CDK5RAP1: variants seen among roughly 807,000 people sequenced by gnomAD.
The protein encoded by CDK5RAP1 is CDK5RAP1 mitochondrial tRNA methylthiotransferase, also known as mitochondrial tRNA methylthiotransferase CDK5RAP1.
CDK5RAP1 carries 62 observed loss-of-function variants against 64.5 expected under a neutral mutation model. That is an observed-to-expected ratio of 0.96 (90% CI 0.78 to 1.19). The LOEUF (loss-of-function observed/expected upper bound fraction) is 1.19. CDK5RAP1 is among the 50% of genes most tolerant of loss of function. The probability of loss-of-function intolerance (pLI) is 0.00; values close to 1 mark genes in which losing one functional copy is unlikely to be tolerated. For synonymous variants in CDK5RAP1, 250 were observed against 261.9 expected (o/e 0.95, Z 0.44); for missense variants, 657 against 735.0 (o/e 0.89, Z 1.23).
intron 7 of CDK5RAP1, among the ~76,000 whole-genome samples, chr20:33,380,202 C>G (rs144600943): frequency 6.6e-6 from 1 of 152,132 alleles, no homozygotes; most frequent in Non-Finnish European, 1.5e-5. Context: ...ACAACAACAA[C>G]AAAAAATAAA....
chr20:33,367,497 T>C (rs1202319846), intron 11 of CDK5RAP1, among the ~76,000 whole-genome samples: 5 of 152,144 alleles, frequency 3.3e-5, no homozygotes, highest in Non-Finnish European at 5.9e-5. Flanking sequence ...TTACTTGAAA[T>C]AAGCAAAGTG....
chr20:33,382,318 T>A (rs1049832303), intron 7 of CDK5RAP1, among the ~76,000 whole-genome samples: 1 of 152,206 alleles, frequency 6.6e-6, no homozygotes, highest in African/African-American at 2.4e-5. Flanking sequence ...GAACTCCGAA[T>A]AAGGATGAAC....
chr20:33,391,807 T>A (rs981927895), intron 5 of CDK5RAP1, among the ~76,000 whole-genome samples: 7 of 149,658 alleles, frequency 4.7e-5, no homozygotes, highest in African/African-American at 1.7e-4. Flanking sequence ...ACAACAAGAG[T>A]GAAACTCCAT....
intron 11 of CDK5RAP1, among the ~76,000 whole-genome samples, chr20:33,370,151 A>G (rs749906602): frequency 2.6e-5 from 4 of 152,312 alleles, no homozygotes; most frequent in Middle Eastern, 3.4e-3. Context: ...CCCCGGTAAA[A>G]TAAATCACAT....
In CDK5RAP1 at chr20:33,374,124, A is replaced by G. The variant is rs1473184450; in HGVS notation, c.1196T>C (p.Met399Thr). Residue 399 changes from methionine (M) to threonine (T), a missense_variant, in exon 9 of 14, where the codon ATG (methionine) becomes ACG (threonine). Physicochemically the swap from Met to Thr is moderately conservative, Grantham distance 81. Transcript: ENST00000346416. ...TCCAAGCAAGCCTGACCCCCTCCGC[A>G]TGGCCTCCAACACACGGCTGCTTCC... ...QSGSSRVLEAMRRGYSREAYV... is the reference protein window; with the variant it reads ...QSGSSRVLEATRRGYSREAYV... 4 of 1,612,616 alleles carry G rather than the reference A, an allele frequency of 2.5e-6. No individual in the cohort carries two copies. Among genetic ancestry groups the G allele is most frequent in the Non-Finnish European group, 3.4e-6 (4 of 1,178,744 alleles).
chr20:33,366,188 G>A (rs1397652552), intron 12 of CDK5RAP1, among the ~76,000 whole-genome samples: 2 of 151,772 alleles, frequency 1.3e-5, no homozygotes. Flanking sequence ...GTGTGGTAGT[G>A]GGTGCCTGCA....
At chr20:33,382,695 A>T (rs184630282) in intron 7 of CDK5RAP1, among the ~76,000 whole-genome samples, 5 of 152,016 alleles carry the variant, frequency 3.3e-5, no homozygotes, top group African/African-American at 1.2e-4. Flanking sequence ...ATAAATAAAT[A>T]AAATAAAATA....
Position 33,397,058 on chromosome 20 carries a change from G to T in CDK5RAP1, c.7C>A (p.Pro3Thr), listed in dbSNP as rs745752791. ...TGCACTTGGAGGACACACTGTAAAGGGTGCATGGCACTAAACAGCCCACAG... is the reference window on the plus strand; with the variant it reads ...TGCACTTGGAGGACACACTGTAAAGTGTGCATGGCACTAAACAGCCCACAG... MH[P>T]LQCVLQVQRS... Residue 3 changes from proline to threonine, a missense_variant, in exon 2 of 14, where the codon CCT becomes ACT. Transcript: ENST00000346416. The T allele has an allele frequency of 2.5e-6, 4 of 1,603,684 alleles. No individual in the cohort carries two copies. Among genetic ancestry groups the T allele is most frequent in the Non-Finnish European group, 3.4e-6 (4 of 1,174,764 alleles).
chr20:33,374,246 A>T, intron 8 of CDK5RAP1, 34 bp from the exon 9 acceptor site: 1 of 1,391,304 alleles, frequency 7.2e-7, no homozygotes, highest in South Asian at 1.2e-5. Flanking sequence ...GGTAATCACA[A>T]TCTCACCAAA....
intron 12 of CDK5RAP1, among the ~76,000 whole-genome samples, chr20:33,361,988 G>A (rs1471499020): frequency 6.6e-6 from 1 of 150,960 alleles, no homozygotes; most frequent in Non-Finnish European, 1.5e-5. Flanking sequence ...AAGGAAGGGA[G>A]AGAGGGAGGG....
At chr20:33,392,536 ATTC>A (rs1254096468) in intron 4 of CDK5RAP1, among the ~76,000 whole-genome samples, 21 of 149,282 alleles carry the variant, frequency 1.4e-4, no homozygotes, top group Admixed American at 4.7e-4. Context: ...GCCCAAGACA[ATTC>A]TTCTTCTTCT....
intron 5 of CDK5RAP1, among the ~76,000 whole-genome samples, chr20:33,388,214 C>A (rs972414542): frequency 6.6e-6 from 1 of 152,172 alleles, no homozygotes; most frequent in African/African-American, 2.4e-5. Flanking sequence ...TGAACCCTTT[C>A]CCTCTCTTCT....
intron 1 of CDK5RAP1, among the ~76,000 whole-genome samples, chr20:33,398,192 C>A (rs1320126444): frequency 6.6e-6 from 1 of 152,088 alleles, no homozygotes; most frequent in African/African-American, 2.4e-5. Flanking sequence ...ACAAAATGAC[C>A]TATGTATAAA....
chr20:33,364,445 C>T (rs1379036502), intron 12 of CDK5RAP1, among the ~76,000 whole-genome samples: 1 of 151,914 alleles, frequency 6.6e-6, no homozygotes, highest in African/African-American at 2.4e-5. Flanking sequence ...CCTCAGCCTC[C>T]CAAAGTGATG....
intron 10 of CDK5RAP1, 71 bp from the exon 11 acceptor site, chr20:33,370,700 T>A: frequency 6.5e-7 from 1 of 1,547,084 alleles, no homozygotes; most frequent in Non-Finnish European, 8.9e-7. Context: ...TCAGCATATG[T>A]GGATTACAAG....
intron 1 of CDK5RAP1, among the ~76,000 whole-genome samples, chr20:33,399,868 C>G (rs1989239715): frequency 6.6e-6 from 1 of 151,932 alleles, no homozygotes; most frequent in Non-Finnish European, 1.5e-5. Flanking sequence ...TATTTGTTGT[C>G]TCTACAACAA....
At chr20:33,369,579 A>G (rs1282937091) in intron 11 of CDK5RAP1, among the ~76,000 whole-genome samples, 3 of 152,116 alleles carry the variant, frequency 2.0e-5, no homozygotes, top group South Asian at 2.1e-4. Flanking sequence ...TGATACATAC[A>G]TTGGCACAGT....
intron 12 of CDK5RAP1, among the ~76,000 whole-genome samples, chr20:33,361,581 G>A (rs879369632): frequency 6.6e-6 from 1 of 152,138 alleles, no homozygotes; most frequent in East Asian, 1.9e-4. Flanking sequence ...TGTGCTCATC[G>A]GTTCCTTGGG....
Position 33,396,984 on chromosome 20 carries a change from C to T in CDK5RAP1, c.81G>A (p.Leu27=), listed in dbSNP as rs755372143. 2.5e-6 allele frequency: 4 copies of T among 1,614,068 alleles called. No homozygotes were observed. The highest frequency in any genetic ancestry group is 3.4e-6 in the Non-Finnish European group (4 of 1,180,040). ...GPLASVSWLS[L]RMCRAHSSLS... ...GACTGCTGTGTGCCCTGCACATCCT[C>T]AGCGACAGCCAAGACACAGAGGCCA... Residue 27 remains leucine, a synonymous_variant, in exon 2 of 14, where the codon CTG becomes CTA. Transcript: ENST00000346416.
Sources: allele counts gnomAD v4.1 joint callset (sites outside exome capture counted in the v4.1 genomes callset), GRCh38; gene constraint gnomAD v4.1.1; transcripts MANE v1.5; gene names NCBI Gene and HGNC (gene_info 2026-07-23, HGNC 2026-07-21).